The following CLSTN3 variants were observed in gnomAD, a reference collection of about 807,000 sequenced individuals.
The protein encoded by CLSTN3 is calsyntenin-3.
CLSTN3 carries 36 observed loss-of-function variants against 95.9 expected under a neutral mutation model. That is an observed-to-expected ratio of 0.38 (90% CI 0.29 to 0.50). The LOEUF (loss-of-function observed/expected upper bound fraction) is 0.50, where lower values mean the gene tolerates loss of function less well. Among genes scored for constraint, CLSTN3 ranks in the 20% least tolerant of loss-of-function variants. CLSTN3 has a pLI of 0.95. For synonymous variants in CLSTN3, 481 were observed against 504.0 expected, an observed-to-expected ratio of 0.95 and a Z score of 0.61; for missense variants, 1,084 against 1,268.8, an observed-to-expected ratio of 0.85 and a Z score of 2.21.
intron 1 of CLSTN3, chr12:7,132,624 A>G: frequency 2.1e-6 from 1 of 473,118 alleles, no homozygotes; most frequent in Non-Finnish European, 3.8e-6. Flanking sequence ...CCCTTAATCT[A>G]TCCCTTCCCT....
At chr12:7,143,814 T>C (rs941948775) in intron 12 of CLSTN3, among the ~76,000 whole-genome samples, 10 of 152,234 alleles carry the variant, frequency 6.6e-5, no homozygotes, top group African/African-American at 9.6e-5. Context: ...TGTAGTTTTA[T>C]TGGAACACAG....
In CLSTN3 at chr12:7,150,791, G is replaced by A. The variant is rs1157291029; in HGVS notation, c.2391+102G>A. 21 of 1,558,766 alleles carry A rather than the reference G, an allele frequency of 1.3e-5. No homozygotes were observed. The highest frequency in any genetic ancestry group is 3.4e-5 in the Admixed American group (2 of 58,258). On this transcript the variant is annotated intron_variant, in intron 15 of 17. Transcript: ENST00000266546. The surrounding 1 kb of genome is among the most constrained non-coding windows in gnomAD (Gnocchi z 4.0). Reference sequence around the variant, plus strand: ...AGTTGGTGGGCATGGACATGGCAGCGTGGAGGGCTGCTGGACCTTGCAGTG... The same window carrying A: ...AGTTGGTGGGCATGGACATGGCAGCATGGAGGGCTGCTGGACCTTGCAGTG...
At chr12:7,134,046 A>C (rs1019220182) in intron 3 of CLSTN3, 3 of 357,264 alleles carry the variant, frequency 8.4e-6, no homozygotes, top group African/African-American at 2.1e-5. Context: ...TTATCTGTAG[A>C]ATGGAGATTG....
chr12:7,136,787 G>A, intron 6 of CLSTN3, 42 bp from the exon 7 acceptor site: 1 of 1,602,600 alleles, frequency 6.2e-7, no homozygotes, highest in Non-Finnish European at 8.5e-7. Context: ...ACCATCTGCT[G>A]CTTCTTGGCT....
rs778785644 is a variant in CLSTN3, at chr12:7,142,963, C to T, written c.1635C>T (p.Cys545=). The T allele has an allele frequency of 6.2e-7, 1 of 1,614,202 alleles. No individual in the cohort carries two copies. Among genetic ancestry groups the T allele is most frequent in the Non-Finnish European group, 8.5e-7 (1 of 1,180,016 alleles). ...GRLESREVIE[C]LYACREGLDY... ...TGGAGAGCCGCGAGGTCATCGAGTG[C>T]CTCTATGCATGTCGGGAGGGGCTGG... is the stretch of plus-strand genomic sequence containing the variant. The change falls in exon 11 of 18, where the codon TGC becomes TGT. Residue 545 remains cysteine (C), a synonymous_variant. Coordinates refer to ENST00000266546, the MANE Select transcript of CLSTN3 (RefSeq NM_014718.4).
chr12:7,150,907 T>A lies in CLSTN3; in HGVS notation c.2392-21T>A. Reference sequence around the variant, plus strand: ...GACCTGGGAGAAGCGTGTGTGCCCATGGAGCCCTCCCTCTGCCCAGGTCAA... The same window carrying A: ...GACCTGGGAGAAGCGTGTGTGCCCAAGGAGCCCTCCCTCTGCCCAGGTCAA... On this transcript the variant is annotated intron_variant, in intron 15 of 17. Transcript: ENST00000266546. This position sits in a 1 kb window ranked among gnomAD's most constrained non-coding sequence, Gnocchi z 4.0. The A allele has an allele frequency of 6.4e-7, 1 of 1,566,444 alleles. No individual in the cohort carries two copies. The highest frequency in any genetic ancestry group is 1.2e-5 in the South Asian group (1 of 84,436).
intron 6 of CLSTN3, 51 bp downstream of exon 6, chr12:7,136,442 C>T: frequency 6.7e-7 from 1 of 1,483,318 alleles, no homozygotes; most frequent in Non-Finnish European, 9.0e-7. Context: ...CATCCAACCT[C>T]TGTCCAAACT....
At chr12:7,152,446 A>C (rs1249331581) in intron 16 of CLSTN3, among the ~76,000 whole-genome samples, 1 of 152,160 alleles carries the variant, frequency 6.6e-6, no homozygotes, top group Non-Finnish European at 1.5e-5. Flanking sequence ...TCTGGATATA[A>C]TTTTAAGTTT....
intron 8 of CLSTN3, among the ~76,000 whole-genome samples, chr12:7,140,174 G>T (rs939238236): frequency 3.3e-5 from 5 of 152,134 alleles, no homozygotes; most frequent in African/African-American, 1.2e-4. Flanking sequence ...GGAGGCTGAG[G>T]GAAAGGGAAG....
chr12:7,135,206 T>C, intron 3 of CLSTN3, 121 bp from the exon 4 acceptor site: 1 of 885,456 alleles, frequency 1.1e-6, no homozygotes. Context: ...GTATCAAGGC[T>C]GTATCTTGAT....
At chr12:7,135,692 C>T (rs1939399074) in intron 4 of CLSTN3, 112 bp from the exon 5 acceptor site, 1 of 1,423,230 alleles carries the variant, frequency 7.0e-7, no homozygotes, top group Admixed American at 2.0e-5. Flanking sequence ...CCTTTTTTCC[C>T]AGCGTCCTGC....
At position 7,149,188 on chromosome 12, in the gene CLSTN3, G is replaced by T. The variant is rs1231186113; in HGVS notation, c.2064G>T (p.Trp688Cys). The T allele has an allele frequency of 7.4e-6, 12 of 1,614,028 alleles. No homozygotes were observed. The highest frequency in any genetic ancestry group is 1.0e-5 in the Non-Finnish European group (12 of 1,179,964). The change falls in exon 13 of 18, where the codon TGG becomes TGT. Residue 688 changes from tryptophan to cysteine, a missense_variant. Transcript: ENST00000266546. This position sits in a 1 kb window ranked among gnomAD's most constrained non-coding sequence, Gnocchi z 4.5. Reference sequence around the variant, plus strand: ...TGGAGGCCAAAAAGGATGAGAGTTGGCAGGGCACAGGTAAGGACGACTTCG... The same window carrying T: ...TGGAGGCCAAAAAGGATGAGAGTTGTCAGGGCACAGGTAAGGACGACTTCG... The part of the protein sequence containing the change: ...HQVEAKKDES[W>C]QGTVTDTRMS...
rs752282204 is a variant in CLSTN3, at chr12:7,136,370, C to T, written c.907C>T (p.Arg303Trp). The change falls in exon 6 of 18, where the codon CGG (arginine) becomes TGG (tryptophan). Residue 303 changes from arginine to tryptophan, a missense_variant. Arg to Trp is a moderately radical substitution (Grantham distance 101). Coordinates refer to ENST00000266546, the MANE Select transcript of CLSTN3 (RefSeq NM_014718.4). ...KGCDRDNYSE[R>W]ALRKLCGAAT... ...CTGTGACCGTGACAACTACTCAGAG[C>T]GGGCGCTGCGGAAACTCTGTGGTAG... is the stretch of plus-strand genomic sequence containing the variant. The T allele has an allele frequency of 9.3e-6, 15 of 1,612,384 alleles. No homozygotes were observed. The highest frequency in any genetic ancestry group is 4.5e-5 in the East Asian group (2 of 44,852).
At chr12:7,134,898 C>G (rs189637876) in intron 3 of CLSTN3, among the ~76,000 whole-genome samples, 8 of 152,152 alleles carry the variant, frequency 5.3e-5, no homozygotes, top group African/African-American at 1.7e-4. Context: ...TGGGCCCTCC[C>G]TCTGGTGTTG....
At chr12:7,154,651 C>A (rs1939785845) in intron 16 of CLSTN3, among the ~76,000 whole-genome samples, 1 of 152,092 alleles carries the variant, frequency 6.6e-6, no homozygotes, top group Non-Finnish European at 1.5e-5. Context: ...AAATTATACC[C>A]TAGAATGTCT....
At chr12:7,146,865 A>G (rs1040824128) in intron 12 of CLSTN3, among the ~76,000 whole-genome samples, 1 of 152,000 alleles carries the variant, frequency 6.6e-6, no homozygotes, top group Non-Finnish European at 1.5e-5. Context: ...GTCATCTGGG[A>G]TTGTTTCCCA....
Position 7,138,070 on chromosome 12 carries a change from G to T in CLSTN3, c.1323+3G>T. On this transcript the variant is annotated splice_donor_region_variant and intron_variant, in intron 8 of 17. Coordinates refer to ENST00000266546, the MANE Select transcript of CLSTN3 (RefSeq NM_014718.4). The stretch of plus-strand genomic sequence containing the variant: ...AGTTCCTCTGGAAGCTGGAGCAGGT[G>T]AGGCAAGAGCCAGGCTCCTGGGAGG... 1 of 1,611,450 alleles carries T rather than the reference G, an allele frequency of 6.2e-7. No individual in the cohort carries two copies. The highest frequency in any genetic ancestry group is 1.1e-5 in the South Asian group (1 of 91,004).
At chr12:7,136,614 A>G (rs1429886541) in intron 6 of CLSTN3, among the ~76,000 whole-genome samples, 11 of 152,244 alleles carry the variant, frequency 7.2e-5, no homozygotes, top group Non-Finnish European at 1.0e-4. Context: ...TGGTGGAACA[A>G]TGGTAGGGCG....
At chr12:7,139,928 G>A (rs148384932) in intron 8 of CLSTN3, among the ~76,000 whole-genome samples, 2 of 152,310 alleles carry the variant, frequency 1.3e-5, no homozygotes, top group African/African-American at 2.4e-5. Context: ...ACAGGCGTGA[G>A]CCACTGCGCC....
Sources: allele counts gnomAD v4.1 joint callset (sites outside exome capture counted in the v4.1 genomes callset), GRCh38; gene constraint gnomAD v4.1.1; non-coding constraint Gnocchi (gnomAD v3.1); transcripts MANE v1.5; gene names NCBI Gene and HGNC (gene_info 2026-07-23, HGNC 2026-07-21).